Variants in RNF4 observed in about 807,000 individuals in gnomAD.
RNF4 encodes ring finger protein 4, also known as E3 ubiquitin-protein ligase RNF4.
Under a neutral mutation model 24.3 loss-of-function variants are expected in RNF4, and 7 were observed. The observed-to-expected ratio is 0.29, with a 90% CI of 0.16 to 0.54. The LOEUF is 0.54. RNF4 is among the 20% of genes least tolerant of loss of function. RNF4 has a pLI of 0.95. For synonymous variants in RNF4, 83 were observed against 84.3 expected, an observed-to-expected ratio of 0.98 and a Z score of 0.09; for missense variants, 209 against 248.5, an observed-to-expected ratio of 0.84 and a Z score of 1.07.
chr4:2,501,882 G>A (rs1301546769), intron 4 of RNF4, among the ~76,000 whole-genome samples: 1 of 152,170 alleles, frequency 6.6e-6, no homozygotes, highest in East Asian at 1.9e-4. Flanking sequence ...CTTCAGAATA[G>A]GGTTATACTG....
intron 2 of RNF4, 166 bp downstream of exon 2, chr4:2,490,668 C>A: frequency 1.6e-6 from 1 of 644,992 alleles, no homozygotes; most frequent in East Asian, 2.8e-5. Flanking sequence ...AGCTTACTTA[C>A]CGACATTGAG....
intron 3 of RNF4, among the ~76,000 whole-genome samples, chr4:2,500,406 C>T (rs763027704): frequency 1.3e-5 from 2 of 152,096 alleles, no homozygotes; most frequent in Admixed American, 6.6e-5. Context: ...TATGCACATG[C>T]GCACACATAC....
chr4:2,473,888 A>C (rs1314912793), intron 1 of RNF4, among the ~76,000 whole-genome samples: 1 of 152,142 alleles, frequency 6.6e-6, no homozygotes, highest in Non-Finnish European at 1.5e-5. Context: ...CCTGGCCAAC[A>C]TGATAAAACC....
intron 4 of RNF4, chr4:2,505,342 T>TC (rs1167144896): frequency 1.3e-5 from 2 of 151,754 alleles, no homozygotes; most frequent in Non-Finnish European, 2.9e-5. Flanking sequence ...TTTTTTTTTT[T>TC]TGAGATGGAG....
At chr4:2,505,568 GC>G in intron 4 of RNF4, 1 of 149,284 alleles carries the variant, frequency 6.7e-6, no homozygotes, top group Non-Finnish European at 1.5e-5. Flanking sequence ...CTCGTGATCC[GC>G]CCGCCTCGGC....
intron 2 of RNF4, among the ~76,000 whole-genome samples, chr4:2,492,594 A>G (rs1735614618): frequency 6.6e-6 from 1 of 152,236 alleles, no homozygotes; most frequent in Admixed American, 6.5e-5. Flanking sequence ...TGTGAATGGT[A>G]TGGGAAGATG....
At chr4:2,498,242 C>T (rs750246757) in intron 3 of RNF4, among the ~76,000 whole-genome samples, 1 of 151,960 alleles carries the variant, frequency 6.6e-6, no homozygotes, top group Non-Finnish European at 1.5e-5. Flanking sequence ...GGAGTGCAAT[C>T]GCGTGATCTC....
chr4:2,490,007 C>T, intron 1 of RNF4: 1 of 156,372 alleles, frequency 6.4e-6, no homozygotes, highest in Non-Finnish European at 1.4e-5. Context: ...CCCTTCCCTT[C>T]TGGTTCCTGA....
chr4:2,490,670 G>C (rs942715666), intron 2 of RNF4, 168 bp downstream of exon 2: 2 of 627,208 alleles, frequency 3.2e-6, no homozygotes, highest in Non-Finnish European at 5.4e-6. Flanking sequence ...CTTACTTACC[G>C]ACATTGAGCT....
chr4:2,504,615 A>G (rs763447264), intron 4 of RNF4, among the ~76,000 whole-genome samples: 2 of 150,554 alleles, frequency 1.3e-5, no homozygotes, highest in African/African-American at 2.4e-5. Flanking sequence ...CAGTGGCGTG[A>G]TCTTGGCTCA....
At chr4:2,500,772 T>G (rs1169381546) in intron 4 of RNF4, 34 bp downstream of exon 4, 1 of 1,604,432 alleles carries the variant, frequency 6.2e-7, no homozygotes, top group South Asian at 1.1e-5. Flanking sequence ...GGCTGTTTCT[T>G]GGGTATGGGT....
chr4:2,499,908 A>C (rs1442435601), intron 3 of RNF4, among the ~76,000 whole-genome samples: 1 of 152,268 alleles, frequency 6.6e-6, no homozygotes, highest in African/African-American at 2.4e-5. Context: ...TGTAATCCCA[A>C]CACTTTGGAA....
intron 3 of RNF4, among the ~76,000 whole-genome samples, chr4:2,499,021 A>AC (rs1735828256): frequency 2.0e-5 from 3 of 152,272 alleles, no homozygotes; most frequent in South Asian, 4.1e-4. Context: ...ACATGGCGAA[A>AC]CCCCATCTCT....
rs1274970909 is a variant in RNF4, at chr4:2,478,225, A to AT, written c.-158+8967_-158+8968insT. ...TTCAAGAGATGACTTGGGTACAGTTAAAGGCATTCAGTTTTATAAGGGAAG... is the reference window on the plus strand; with the variant it reads ...TTCAAGAGATGACTTGGGTACAGTTATAAGGCATTCAGTTTTATAAGGGAAG... On this transcript the variant is annotated intron_variant, in intron 1 of 7. Coordinates refer to ENST00000314289, the MANE Select transcript of RNF4 (RefSeq NM_002938.5). Among the ~76,000 whole-genome samples the AT allele has an allele frequency of 2.6e-5, 4 of 152,360 alleles. 1 individual carries two copies. Among genetic ancestry groups the AT allele is most frequent in the East Asian group, 1.9e-4 (1 of 5,196 alleles).
chr4:2,480,158 C>G (rs368864481), intron 1 of RNF4: 1 of 152,050 alleles, frequency 6.6e-6, no homozygotes, highest in South Asian at 2.1e-4. Context: ...GTTGCCCAGG[C>G]TGGTCCAGAA....
intron 1 of RNF4, among the ~76,000 whole-genome samples, chr4:2,473,109 C>T (rs765242802): frequency 6.6e-6 from 1 of 151,790 alleles, no homozygotes; most frequent in Non-Finnish European, 1.5e-5. Context: ...CAGCAGTTCA[C>T]GGTGGCTCAC....
At chr4:2,489,371 A>G (rs895569014) in intron 1 of RNF4, among the ~76,000 whole-genome samples, 2 of 152,170 alleles carry the variant, frequency 1.3e-5, no homozygotes, top group Non-Finnish European at 2.9e-5. Flanking sequence ...AGAAGGGTGG[A>G]TGTGAGAGCG....
intron 3 of RNF4, among the ~76,000 whole-genome samples, chr4:2,500,395 G>A (rs904726111): frequency 1.3e-5 from 2 of 152,078 alleles, no homozygotes; most frequent in South Asian, 4.1e-4. Flanking sequence ...TGGAATAGAG[G>A]TATGCACATG....
Position 2,514,026 on chromosome 4 carries a change from C to G in RNF4, c.*207C>G. On this transcript the variant is annotated 3_prime_UTR_variant, in exon 8 of 8. Coordinates refer to ENST00000314289, the MANE Select transcript of RNF4 (RefSeq NM_002938.5). ...GACCCAGGGCCCTCCCAGGCCATCT[C>G]TGTTCCTCTGGGGTGGTCCAGTTCT... The G allele has an allele frequency of 1.6e-6, 1 of 632,654 alleles. No homozygotes were observed. 39.2% of individuals were successfully genotyped at this position (632,654 alleles called of 1,614,324 possible).
Sources: allele counts gnomAD v4.1 joint callset (sites outside exome capture counted in the v4.1 genomes callset), GRCh38; gene constraint gnomAD v4.1.1; transcripts MANE v1.5; gene names NCBI Gene and HGNC (gene_info 2026-07-23, HGNC 2026-07-21).